Variants in DLGAP4 observed in about 807,000 individuals in gnomAD.
DLGAP4 encodes the protein DLG associated protein 4.
In DLGAP4, 18 loss-of-function variants were observed where a neutral mutation model predicts 86.9. That is an observed-to-expected ratio of 0.21 (90% CI 0.14 to 0.31). The LOEUF (loss-of-function observed/expected upper bound fraction) is 0.31. DLGAP4 is among the 10% of genes least tolerant of loss of function. DLGAP4 has a pLI of 1.00. For missense variants in DLGAP4, 1,085 were observed against 1,362.6 expected (o/e 0.80, Z 3.21); for synonymous variants, 548 against 574.3 (o/e 0.95, Z 0.65).
intron 2 of DLGAP4, among the ~76,000 whole-genome samples, chr20:36,390,465 C>T (rs1244493069): frequency 2.0e-5 from 3 of 152,096 alleles, no homozygotes; most frequent in South Asian, 4.2e-4. Flanking sequence ...GGTTCTGACT[C>T]GCCTCCTGCA....
chr20:36,339,389 G>GTT (rs149107656), intron 1 of DLGAP4, among the ~76,000 whole-genome samples: 1 of 150,798 alleles, frequency 6.6e-6, no homozygotes, highest in African/African-American at 2.4e-5. Flanking sequence ...CACCTGGCCT[G>GTT]TTTTTTTTGT....
intron 2 of DLGAP4, among the ~76,000 whole-genome samples, chr20:36,378,856 G>T (rs924925314): frequency 2.0e-5 from 3 of 152,110 alleles, no homozygotes; most frequent in African/African-American, 7.2e-5. Flanking sequence ...AAAGTGGGTG[G>T]TGGGAAGGCG....
intron 7 of DLGAP4, among the ~76,000 whole-genome samples, chr20:36,470,940 T>C (rs2034633882): frequency 6.6e-6 from 1 of 152,208 alleles, no homozygotes; most frequent in Admixed American, 6.5e-5. Flanking sequence ...GTGAACACCC[T>C]TTCCTGTGTG....
At chr20:36,341,044 A>C (rs995127169) in intron 1 of DLGAP4, among the ~76,000 whole-genome samples, 4 of 152,136 alleles carry the variant, frequency 2.6e-5, no homozygotes, top group Admixed American at 2.6e-4. Flanking sequence ...GCTGGGAGGC[A>C]TTTCTATCAC....
chr20:36,343,459 A>C (rs540885051), intron 1 of DLGAP4, among the ~76,000 whole-genome samples: 2 of 152,114 alleles, frequency 1.3e-5, no homozygotes, highest in Non-Finnish European at 2.9e-5. Flanking sequence ...CAACTTTATG[A>C]TGTGCTCAAG....
intron 2 of DLGAP4, among the ~76,000 whole-genome samples, chr20:36,370,815 G>A (rs969500276): frequency 6.6e-6 from 1 of 152,190 alleles, no homozygotes; most frequent in African/African-American, 2.4e-5. Context: ...GCAAGACCTT[G>A]TCTCTAAATA....
At chr20:36,443,236 G>T (rs1370805148) in intron 6 of DLGAP4, among the ~76,000 whole-genome samples, 1 of 152,162 alleles carries the variant, frequency 6.6e-6, no homozygotes, top group Non-Finnish European at 1.5e-5. Flanking sequence ...GTTGGAGTGT[G>T]TGTGGAGACT....
intron 1 of DLGAP4, among the ~76,000 whole-genome samples, chr20:36,310,183 AGAAAGAAAGAAAGAAAGAAAGAAAG>A (rs1569450273): frequency 4.7e-5 from 1 of 21,222 alleles, no homozygotes; most frequent in Non-Finnish European, 5.2e-4. Context: ...AAAAAAAAAA[AGAAAGAAAGAAAGAAAGAAAGAAAG>A]AAAGAAAGAA....
chr20:36,332,573 A>C (rs1434616538), intron 1 of DLGAP4, among the ~76,000 whole-genome samples: 1 of 151,940 alleles, frequency 6.6e-6, no homozygotes, highest in East Asian at 1.9e-4. Flanking sequence ...TATTTTTAGT[A>C]GAGACAGGGT....
intron 2 of DLGAP4, among the ~76,000 whole-genome samples, chr20:36,379,054 C>T (rs1384706532): frequency 6.6e-6 from 1 of 152,160 alleles, no homozygotes; most frequent in Non-Finnish European, 1.5e-5. Flanking sequence ...GGGTGATGCT[C>T]AAATAGCCCC....
intron 2 of DLGAP4, among the ~76,000 whole-genome samples, chr20:36,392,614 C>T (rs1180880745): frequency 1.3e-5 from 2 of 152,174 alleles, no homozygotes; most frequent in Admixed American, 6.5e-5. Context: ...GTCATCCACC[C>T]GCCTCAGCCT....
chr20:36,324,692 C>T (rs984421513), intron 1 of DLGAP4, among the ~76,000 whole-genome samples: 2 of 152,148 alleles, frequency 1.3e-5, no homozygotes, highest in Non-Finnish European at 2.9e-5. Flanking sequence ...TTCCATTGAT[C>T]TATCCTTATG....
intron 2 of DLGAP4, among the ~76,000 whole-genome samples, chr20:36,426,063 G>T (rs1193669891): frequency 1.3e-5 from 2 of 152,164 alleles, no homozygotes; most frequent in African/African-American, 2.4e-5. Flanking sequence ...CCATAAAACG[G>T]AATGAAGTTC....
chr20:36,369,463 G>A (rs201790929), intron 2 of DLGAP4, among the ~76,000 whole-genome samples: 1 of 152,142 alleles, frequency 6.6e-6, no homozygotes, highest in Admixed American at 6.5e-5. Context: ...TGTGGTGGCA[G>A]GCGCTTGTAA....
intron 10 of DLGAP4, among the ~76,000 whole-genome samples, chr20:36,513,335 T>A (rs1301470931): frequency 6.7e-6 from 1 of 149,494 alleles, no homozygotes; most frequent in Non-Finnish European, 1.5e-5. Flanking sequence ...GATCATGAGG[T>A]CAGGAGATCG....
At chr20:36,459,050 G>A (rs1474555519) in intron 7 of DLGAP4, among the ~76,000 whole-genome samples, 1 of 152,176 alleles carries the variant, frequency 6.6e-6, no homozygotes, top group Non-Finnish European at 1.5e-5. Context: ...GTTGGGAGAG[G>A]AGCATCTTCA....
chr20:36,524,241 G>A lies in DLGAP4; in HGVS notation c.2513-9G>A. 6.2e-7 allele frequency: 1 copy of A among 1,613,332 alleles called. No individual in the cohort carries two copies. The highest frequency in any genetic ancestry group is 8.5e-7 in the Non-Finnish European group (1 of 1,179,232). ...CTAAATCAGTCTTTTTCCACCCTCT[G>A]TTTCTCAGTCTTAGGAAAAGTCCTC... On this transcript the variant is annotated splice_polypyrimidine_tract_variant and intron_variant, in intron 10 of 12. Coordinates refer to ENST00000339266, the MANE Select transcript of DLGAP4 (RefSeq NM_001365621.2).
rs1419444829 is a variant in DLGAP4, at chr20:36,306,883, C to A, written c.-304+371C>A. Among the ~76,000 whole-genome samples the A allele has an allele frequency of 1.3e-5, 2 of 152,196 alleles. No homozygotes were observed. Among genetic ancestry groups the A allele is most frequent in the Non-Finnish European group, 2.9e-5 (2 of 68,020 alleles). Reference sequence around the variant, plus strand: ...TCAAGCGGCTGCCAAAGCCTGGAAGCCCCCTCCTCAGGCCCGCCCCCTAAT... The same window carrying A: ...TCAAGCGGCTGCCAAAGCCTGGAAGACCCCTCCTCAGGCCCGCCCCCTAAT... On this transcript the variant is annotated intron_variant, in intron 1 of 12. Coordinates refer to ENST00000339266, the MANE Select transcript of DLGAP4 (RefSeq NM_001365621.2). The surrounding 1 kb of genome is among the most constrained non-coding windows in gnomAD (Gnocchi z 4.9).
intron 1 of DLGAP4, among the ~76,000 whole-genome samples, chr20:36,339,528 C>A (rs561944975): frequency 1.3e-5 from 2 of 152,354 alleles, no homozygotes; most frequent in African/African-American, 4.8e-5. Flanking sequence ...GCCAGGACTA[C>A]AGCCACCACC....
Sources: allele counts gnomAD v4.1 joint callset (sites outside exome capture counted in the v4.1 genomes callset), GRCh38; gene constraint gnomAD v4.1.1; non-coding constraint Gnocchi (gnomAD v3.1); transcripts MANE v1.5; gene names NCBI Gene and HGNC (gene_info 2026-07-23, HGNC 2026-07-21).